The following NAA35 variants were observed in gnomAD, a reference collection of about 807,000 sequenced individuals.
NAA35 encodes N-alpha-acetyltransferase 35, NatC auxiliary subunit, also known as MAK10 homolog, amino-acid N-acetyltransferase subunit.
NAA35 carries 18 observed loss-of-function variants against 101.7 expected under a neutral mutation model. That is an observed-to-expected ratio of 0.18 (90% CI 0.12 to 0.26). The LOEUF is 0.26. Ranked by LOEUF, NAA35 falls within the 10% of genes least tolerant of loss-of-function variation. The probability of loss-of-function intolerance (pLI) is 1.00; values close to 1 mark genes in which losing one functional copy is unlikely to be tolerated. For synonymous variants in NAA35, 267 were observed against 273.1 expected (o/e 0.98, Z 0.22); for missense variants, 601 against 886.8 (o/e 0.68, Z 4.09).
intron 2 of NAA35, among the ~76,000 whole-genome samples, 168 bp from the exon 3 acceptor site, chr9:85,956,192 A>C (rs1829267237): frequency 6.6e-6 from 1 of 152,176 alleles, no homozygotes; most frequent in African/African-American, 2.4e-5. Context: ...ACAAGTACTC[A>C]CTGTATAGAA....
At chr9:85,977,735 A>C (rs961068604) in intron 10 of NAA35, among the ~76,000 whole-genome samples, 1 of 152,184 alleles carries the variant, frequency 6.6e-6, no homozygotes, top group South Asian at 2.1e-4. Flanking sequence ...AGGTAGGCCT[A>C]GTCTTACCTT....
At position 85,942,272 on chromosome 9, in the gene NAA35, A is replaced by G; in HGVS notation, c.113A>G (p.Glu38Gly). ...NWVDITQDFEEACRELKLGEL... is the reference protein window; with the variant it reads ...NWVDITQDFEGACRELKLGEL... Reference sequence around the variant, plus strand: ...GTGGACATTACCCAAGATTTTGAAGAAGCTTGTCGAGGTGAGTCTGATTTT... The same window carrying G: ...GTGGACATTACCCAAGATTTTGAAGGAGCTTGTCGAGGTGAGTCTGATTTT... Residue 38 changes from glutamate (E) to glycine (G), a missense_variant, in exon 2 of 23, where the codon GAA (glutamate) becomes GGA (glycine). Around this residue, in one of 8 missense-constraint regions of NAA35, gnomAD observed 67 missense variants for 62.4 expected, o/e 1.07. Transcript: ENST00000361671. 1 of 1,613,762 alleles carries G rather than the reference A, an allele frequency of 6.2e-7. No individual in the cohort carries two copies. The highest frequency in any genetic ancestry group is 2.2e-5 in the East Asian group (1 of 44,870).
chr9:85,957,136 C>CT (rs1436743730), intron 3 of NAA35, among the ~76,000 whole-genome samples: 2 of 152,164 alleles, frequency 1.3e-5, no homozygotes, highest in African/African-American at 4.8e-5. Flanking sequence ...TACTGGTAGC[C>CT]TATCATTGAC....
At chr9:85,977,191 C>G (rs1830248843) in intron 9 of NAA35, among the ~76,000 whole-genome samples, 172 bp from the exon 10 acceptor site, 1 of 152,048 alleles carries the variant, frequency 6.6e-6, no homozygotes, top group South Asian at 2.1e-4. Context: ...AAAGAATAGG[C>G]TTTGTTTTGT....
chr9:85,986,236 G>A (rs115474482), intron 11 of NAA35, among the ~76,000 whole-genome samples: 2,133 of 152,312 alleles, frequency 0.014, 48 homozygotes, highest in African/African-American at 0.047. Context: ...GAATGCATAT[G>A]AAAATTAAAA....
chr9:85,979,283 A>C (rs375188659), intron 11 of NAA35, among the ~76,000 whole-genome samples: 2 of 152,164 alleles, frequency 1.3e-5, no homozygotes, highest in Admixed American at 6.5e-5. Flanking sequence ...AGGACCTTAC[A>C]TTTCTGTATT....
At chr9:85,982,079 A>G (rs1433860282) in intron 11 of NAA35, among the ~76,000 whole-genome samples, 1 of 152,222 alleles carries the variant, frequency 6.6e-6, no homozygotes, top group East Asian at 1.9e-4. Flanking sequence ...CTCAATGCAT[A>G]GTAATATCTT....
At chr9:85,981,556 A>C (rs901405215) in intron 11 of NAA35, among the ~76,000 whole-genome samples, 2 of 152,186 alleles carry the variant, frequency 1.3e-5, no homozygotes, top group African/African-American at 4.8e-5. Flanking sequence ...CAGTGTTAAA[A>C]ATAGCTTGTG....
intron 6 of NAA35, among the ~76,000 whole-genome samples, chr9:85,966,032 T>C (rs1248385383): frequency 1.3e-5 from 2 of 152,180 alleles, no homozygotes; most frequent in South Asian, 4.1e-4. Context: ...CTTGAACTCC[T>C]ATGCTCCAGC....
chr9:86,005,340 A>G (rs996070601), intron 13 of NAA35, among the ~76,000 whole-genome samples: 1 of 152,192 alleles, frequency 6.6e-6, no homozygotes, highest in Non-Finnish European at 1.5e-5. Context: ...AGCTTCCTAA[A>G]CCTGATAAAG....
chr9:86,005,354 A>G (rs968250928), intron 13 of NAA35, among the ~76,000 whole-genome samples: 1 of 152,226 alleles, frequency 6.6e-6, no homozygotes, highest in African/African-American at 2.4e-5. Context: ...GATAAAGGAC[A>G]TATACAAAAA....
rs747811440 is a variant in NAA35, at chr9:85,998,135, T to C, written c.1056+1558T>C. 2.0e-5 allele frequency among the ~76,000 whole-genome samples: 3 copies of C among 152,046 alleles called. 1 individual carries two copies. The highest frequency in any genetic ancestry group is 4.1e-4 in the South Asian group (2 of 4,826). ...TTCATCGTGTTAGCCAGGATGGTCT[T>C]GATTTCCTGACCTCGTGATCCACCC... On this transcript the variant is annotated intron_variant, in intron 12 of 22. Coordinates refer to ENST00000361671, the MANE Select transcript of NAA35 (RefSeq NM_024635.4).
At chr9:85,976,030 A>G (rs2118041663) in intron 8 of NAA35, among the ~76,000 whole-genome samples, 1 of 152,018 alleles carries the variant, frequency 6.6e-6, no homozygotes, top group East Asian at 1.9e-4. Context: ...TTTGATTTTT[A>G]CAATTCAGTG....
chr9:85,955,777 A>C (rs999328216), intron 2 of NAA35, among the ~76,000 whole-genome samples: 1 of 152,140 alleles, frequency 6.6e-6, no homozygotes, highest in African/African-American at 2.4e-5. Flanking sequence ...TCTAGATTTC[A>C]TTGGTTTGGG....
chr9:85,988,723 G>A (rs368716034), intron 11 of NAA35, among the ~76,000 whole-genome samples: 123 of 152,104 alleles, frequency 8.1e-4, no homozygotes, highest in African/African-American at 2.9e-3. Context: ...TTGAACCTGG[G>A]AGGCGGAGGT....
At chr9:85,997,905 G>A (rs576235356) in intron 12 of NAA35, among the ~76,000 whole-genome samples, 8 of 151,956 alleles carry the variant, frequency 5.3e-5, no homozygotes, top group Admixed American at 2.6e-4. Context: ...GTGTGTGTGT[G>A]TATATATTTT....
At chr9:85,942,311 C>T (rs1249573807) in intron 2 of NAA35, 28 bp downstream of exon 2, 2 of 1,610,608 alleles carry the variant, frequency 1.2e-6, no homozygotes, top group African/African-American at 1.3e-5. Flanking sequence ...ATTAGAAGTT[C>T]AGCATCTGGA....
chr9:85,941,155 C>T lies in NAA35; in HGVS notation c.-124C>T, dbSNP rs1396158910. On this transcript the variant is annotated 5_prime_UTR_variant, in exon 1 of 23. Transcript: ENST00000361671. ...GTCGCGCGTCCCGGGCATACGCATGCGTGCACGCTGCCGGTCGGGCTGGGC... is the reference window on the plus strand; with the variant it reads ...GTCGCGCGTCCCGGGCATACGCATGTGTGCACGCTGCCGGTCGGGCTGGGC... The T allele has an allele frequency of 5.1e-6, 5 of 985,774 alleles. No homozygotes were observed. Among genetic ancestry groups the T allele is most frequent in the Non-Finnish European group, 4.8e-6 (4 of 830,248 alleles). The allele number at this position is 985,774 out of a possible 1,614,324, so 61.1% of individuals were successfully genotyped here. A position where few individuals can be genotyped will look rare whatever the true frequency, so the allele number is the denominator to read the frequency against.
At chr9:86,012,128 G>GTT (rs544671707) in intron 15 of NAA35, among the ~76,000 whole-genome samples, 1 of 135,320 alleles carries the variant, frequency 7.4e-6, no homozygotes, top group South Asian at 2.4e-4. Context: ...TTTTTTTTTT[G>GTT]TTTTTTTTTG....
Sources: gnomAD v4.1 joint callset for allele counts (sites outside exome capture counted in the v4.1 genomes callset) on GRCh38, gnomAD v4.1.1 for gene constraint, gnomAD v4.1.1 regional missense constraint, MANE v1.5 for transcripts, NCBI Gene and HGNC (gene_info 2026-07-23, HGNC 2026-07-21) for gene names.